The following RAB40B variants were observed in gnomAD, a reference collection of about 807,000 sequenced individuals.
The protein encoded by RAB40B is ras-related protein Rab-40B.
Under a neutral mutation model 24.0 loss-of-function variants are expected in RAB40B, and 21 were observed. The observed-to-expected ratio is 0.88, with a 90% CI of 0.62 to 1.26. The LOEUF is 1.26. RAB40B is among the 50% of genes most tolerant of loss of function. The probability of loss-of-function intolerance (pLI) is 0.00; values close to 1 mark genes in which losing one functional copy is unlikely to be tolerated. For missense variants in RAB40B, 348 were observed against 390.5 expected (o/e 0.89, Z 0.92); for synonymous variants, 167 against 169.8 (o/e 0.98, Z 0.13).
chr17:82,686,017 T>C (rs2046496531), intron 1 of RAB40B, among the ~76,000 whole-genome samples: 2 of 152,008 alleles, frequency 1.3e-5, no homozygotes, highest in African/African-American at 2.4e-5. Flanking sequence ...TTGGCCAGGC[T>C]GGTCTCAAAC....
intron 1 of RAB40B, among the ~76,000 whole-genome samples, chr17:82,677,072 C>A (rs189767289): frequency 1.3e-5 from 2 of 151,944 alleles, no homozygotes; most frequent in Admixed American, 1.3e-4. Flanking sequence ...CCTCAGCCTC[C>A]CGAGTAGCTG....
chr17:82,683,570 T>C (rs2046465687), intron 1 of RAB40B, among the ~76,000 whole-genome samples: 1 of 151,836 alleles, frequency 6.6e-6, no homozygotes, highest in East Asian at 2.0e-4. Context: ...GGATGATCTC[T>C]TGAGCCCAGG....
At chr17:82,661,305 C>G in intron 2 of RAB40B, 1 of 1,248,048 alleles carries the variant, frequency 8.0e-7, no homozygotes, top group Non-Finnish European at 1.0e-6. Flanking sequence ...ACATAATTCT[C>G]AGATATTTAA....
At chr17:82,671,574 CT>C (rs1373993442) in intron 1 of RAB40B, among the ~76,000 whole-genome samples, 2 of 150,196 alleles carry the variant, frequency 1.3e-5, no homozygotes, top group Non-Finnish European at 3.0e-5. Context: ...CACCCCACCC[CT>C]GTAACTCTAA....
At chr17:82,686,789 C>T (rs150211460) in intron 1 of RAB40B, among the ~76,000 whole-genome samples, 214 of 152,336 alleles carry the variant, frequency 1.4e-3, no homozygotes, top group African/African-American at 5.1e-3. Context: ...GTCACAGCAG[C>T]CCATCCAAAA....
chr17:82,680,676 A>G (rs2046440231), intron 1 of RAB40B, among the ~76,000 whole-genome samples: 2 of 152,312 alleles, frequency 1.3e-5, no homozygotes, highest in South Asian at 4.1e-4. Flanking sequence ...AATACCTATA[A>G]TGATATATGT....
chr17:82,693,169 A>C (rs2046575737), intron 1 of RAB40B, among the ~76,000 whole-genome samples: 2 of 150,742 alleles, frequency 1.3e-5, no homozygotes, highest in African/African-American at 4.9e-5. Flanking sequence ...CACCTGGCTA[A>C]TTTTTTTTTG....
intron 1 of RAB40B, among the ~76,000 whole-genome samples, chr17:82,680,801 G>A (rs545569407): frequency 6.6e-6 from 1 of 152,178 alleles, no homozygotes; most frequent in Admixed American, 6.5e-5. Flanking sequence ...GAAGGCTGAG[G>A]CAGTTGCATC....
rs1395979066 is a variant in RAB40B, at chr17:82,691,121, G to T, written c.142+7334C>A. 2.0e-5 allele frequency among the ~76,000 whole-genome samples: 3 copies of T among 152,116 alleles called. No individual in the cohort carries two copies. The East Asian group carries it at 5.8e-4, about 29-fold the overall frequency. Reference sequence around the variant, plus strand: ...TGTCCACGCACCGTGTAGTCTTGAGGGAGTGGCTCAGCCTCTCTGGGCCTC... The same window carrying T: ...TGTCCACGCACCGTGTAGTCTTGAGTGAGTGGCTCAGCCTCTCTGGGCCTC... On this transcript the variant is annotated intron_variant, in intron 1 of 5. Coordinates refer to ENST00000571995, the MANE Select transcript of RAB40B (RefSeq NM_006822.3).
rs2046088328 is a variant in RAB40B, at chr17:82,656,618, A to C, written c.*1245T>G. The C allele has an allele frequency of 6.6e-6, 1 of 152,264 alleles. No homozygotes were observed. The highest frequency in any genetic ancestry group is 2.1e-4 in the South Asian group (1 of 4,832). The allele number at this position is 152,264 out of a possible 1,614,324, so 9.4% of individuals were successfully genotyped here. The stretch of plus-strand genomic sequence containing the variant: ...AAGGAATCCTTTCTCAACAGGCGAC[A>C]ACAGTTCAAGGATTCAGCCTTGTTG... On this transcript the variant is annotated 3_prime_UTR_variant, in exon 6 of 6. Transcript: ENST00000571995.
intron 1 of RAB40B, among the ~76,000 whole-genome samples, chr17:82,689,750 C>T (rs960181333): frequency 3.3e-5 from 5 of 152,134 alleles, no homozygotes; most frequent in Admixed American, 1.3e-4. Context: ...GGGTGGATCA[C>T]GAGGTCAGGA....
At chr17:82,684,465 G>A (rs920722814) in intron 1 of RAB40B, among the ~76,000 whole-genome samples, 7 of 152,074 alleles carry the variant, frequency 4.6e-5, no homozygotes, top group African/African-American at 7.2e-5. Flanking sequence ...AAACAAGTTC[G>A]CACAAAAACG....
chr17:82,680,955 G>A (rs982509152), intron 1 of RAB40B, among the ~76,000 whole-genome samples: 42 of 132,312 alleles, frequency 3.2e-4, no homozygotes, highest in African/African-American at 1.1e-3. Flanking sequence ...ATTTGAACCC[G>A]GGAGGCAGTG....
chr17:82,682,931 T>A (rs1479457073), intron 1 of RAB40B, among the ~76,000 whole-genome samples: 3 of 152,102 alleles, frequency 2.0e-5, no homozygotes, highest in Admixed American at 2.0e-4. Context: ...GATCATGAGG[T>A]CAGGAGATCG....
At position 82,678,215 on chromosome 17, in the gene RAB40B, G is replaced by A. The variant is rs78908709; in HGVS notation, c.143-13659C>T. Among the ~76,000 whole-genome samples the A allele has an allele frequency of 4.4e-3, 663 of 152,082 alleles. 15 individuals are homozygous for A. The highest frequency in any genetic ancestry group is 0.037 in the East Asian group (190 of 5,180). On this transcript the variant is annotated intron_variant, in intron 1 of 5. Coordinates refer to ENST00000571995, the MANE Select transcript of RAB40B (RefSeq NM_006822.3). ...TGTGTTACCTTACGTTTTGGTCCAC[G>A]AGAAACTAAGAAACATTTTTGACAT...
At chr17:82,694,744 C>T (rs960357392) in intron 1 of RAB40B, among the ~76,000 whole-genome samples, 40 of 151,800 alleles carry the variant, frequency 2.6e-4, no homozygotes, top group African/African-American at 9.0e-4. Context: ...CTCAGGCTTC[C>T]CCACAGCACA....
intron 1 of RAB40B, among the ~76,000 whole-genome samples, chr17:82,687,965 G>T (rs895151272): frequency 2.6e-5 from 4 of 152,186 alleles, no homozygotes; most frequent in Non-Finnish European, 2.9e-5. Context: ...CCAGCCAACT[G>T]GGGGGCTGAG....
In RAB40B at chr17:82,664,539, T is replaced by C; in HGVS notation, c.160A>G (p.Thr54Ala). Residue 54 changes from threonine to alanine, a missense_variant, in exon 2 of 6, where the codon ACC becomes GCC. Thr to Ala is a moderately conservative substitution (Grantham distance 58). Coordinates refer to ENST00000571995, the MANE Select transcript of RAB40B (RefSeq NM_006822.3). ...CGCCGCCCGTCCAGCAGGATGGTGG[T>C]CGTCTTGTAGTCGATGCCTGCGGAA... The part of the protein sequence containing the change: ...GHPAGIDYKT[T>A]TILLDGRRVK... 6.2e-7 allele frequency: 1 copy of C among 1,613,538 alleles called. No homozygotes were observed. The highest frequency in any genetic ancestry group is 8.5e-7 in the Non-Finnish European group (1 of 1,179,624).
chr17:82,670,278 G>A (rs986062121), intron 1 of RAB40B, among the ~76,000 whole-genome samples: 3 of 149,292 alleles, frequency 2.0e-5, no homozygotes, highest in Admixed American at 6.8e-5. Flanking sequence ...TCCGCCCACC[G>A]GGTTCAAGCA....
Sources: allele counts gnomAD v4.1 joint callset (sites outside exome capture counted in the v4.1 genomes callset), GRCh38; gene constraint gnomAD v4.1.1; transcripts MANE v1.5; gene names NCBI Gene and HGNC (gene_info 2026-07-23, HGNC 2026-07-21).